COG6: variants seen among roughly 807,000 people sequenced by gnomAD.
The protein encoded by COG6 is conserved oligomeric Golgi complex subunit 6.
COG6 carries 74 observed loss-of-function variants against 88.8 expected under a neutral mutation model. That is an observed-to-expected ratio of 0.83 (90% CI 0.69 to 1.01). The LOEUF is 1.01. Among genes scored for constraint, COG6 ranks in the 50% least tolerant of loss-of-function variants. The pLI is 0.00. For synonymous variants in COG6, 286 were observed against 278.7 expected (o/e 1.03, Z -0.26); for missense variants, 800 against 797.9 (o/e 1.00, Z -0.03).
At chr13:39,766,008 G>A (rs1360773731) in intron 18 of COG6, among the ~76,000 whole-genome samples, 2 of 152,158 alleles carry the variant, frequency 1.3e-5, no homozygotes, top group Admixed American at 1.3e-4. Context: ...CTTACCAGAG[G>A]GTGGCACTCC....
In COG6 at chr13:39,721,540, C is replaced by A. The variant is rs60411664; in HGVS notation, c.1584+1713C>A. Among the ~76,000 whole-genome samples the A allele has an allele frequency of 6.5e-3, 985 of 152,146 alleles. 9 individuals carry two copies. Among genetic ancestry groups the A allele is most frequent in the African/African-American group, 0.022 (914 of 41,512 alleles). The stretch of plus-strand genomic sequence containing the variant: ...AGTGGGTATTCCAAGTGGACAAATC[C>A]CAGTGTGGAAGTGCTTATTGGCCTA... On this transcript the variant is annotated intron_variant, in intron 15 of 18. Transcript: ENST00000455146.
In COG6 at chr13:39,752,024, T is replaced by C. The variant is rs1242924504; in HGVS notation, c.*931T>C. On this transcript the variant is annotated 3_prime_UTR_variant, in exon 19 of 19. Transcript: ENST00000455146. ...CAGAGGAGGAGTTGCCAATTGGCAG[T>C]GTGTCTTATCTCCATGTTGTAACTG... 7.8e-7 allele frequency: 1 copy of C among 1,279,074 alleles called. No individual in the cohort carries two copies. The highest frequency in any genetic ancestry group is 1.5e-5 in the African/African-American group (1 of 65,620). 79.2% of individuals were successfully genotyped at this position (1,279,074 alleles called of 1,614,324 possible).
At chr13:39,733,050 G>A (rs1211179257) in intron 18 of COG6, among the ~76,000 whole-genome samples, 1 of 151,370 alleles carries the variant, frequency 6.6e-6, no homozygotes, top group African/African-American at 2.4e-5. Flanking sequence ...GTATAAAAAC[G>A]TCAACTTTAA....
At chr13:39,718,377 A>G (rs781722674) in intron 13 of COG6, among the ~76,000 whole-genome samples, 1 of 152,134 alleles carries the variant, frequency 6.6e-6, no homozygotes, top group East Asian at 1.9e-4. Context: ...TCTAAGTGCT[A>G]TTTTTAAAAA....
At chr13:39,763,909 G>A (rs540388422) in intron 18 of COG6, among the ~76,000 whole-genome samples, 48 of 151,910 alleles carry the variant, frequency 3.2e-4, no homozygotes, top group Middle Eastern at 6.8e-3. Context: ...TTTGATAACA[G>A]GATAATACTG....
At chr13:39,728,832 T>G (rs1249655732) in intron 18 of COG6, among the ~76,000 whole-genome samples, 1 of 151,962 alleles carries the variant, frequency 6.6e-6, no homozygotes, top group Admixed American at 6.6e-5. Context: ...ACCTGGCTAA[T>G]TTTTGTATTT....
intron 3 of COG6, among the ~76,000 whole-genome samples, chr13:39,664,570 AG>A (rs1401502568): frequency 7.2e-5 from 11 of 152,234 alleles, no homozygotes; most frequent in African/African-American, 2.2e-4. Flanking sequence ...AAAGTTGATT[AG>A]GAACAGCCTT....
chr13:39,725,059 T>C (rs1407448519), intron 17 of COG6, among the ~76,000 whole-genome samples: 1 of 151,862 alleles, frequency 6.6e-6, no homozygotes, highest in Non-Finnish European at 1.5e-5. Flanking sequence ...TTTTGCATGA[T>C]CACTACTTTT....
At chr13:39,722,371 C>A (rs1441204286) in intron 15 of COG6, among the ~76,000 whole-genome samples, 1 of 151,446 alleles carries the variant, frequency 6.6e-6, no homozygotes, top group Non-Finnish European at 1.5e-5. Flanking sequence ...GGAAAGAAAC[C>A]ATACTTGTTC....
rs567450945 is a variant in COG6, at chr13:39,771,268, G to A, written c.1827-17067G>A. ...CAACCATCTTTCTGGCTTGTTTCCCGCAGGTACTGAAAGGCATTTGCTGTG... is the reference window on the plus strand; with the variant it reads ...CAACCATCTTTCTGGCTTGTTTCCCACAGGTACTGAAAGGCATTTGCTGTG... On this transcript the variant is annotated intron_variant, in intron 18 of 18. Coordinates refer to the COG6 transcript ENST00000416691. Among the ~76,000 whole-genome samples the A allele has an allele frequency of 7.9e-5, 12 of 152,316 alleles. No individual in the cohort carries two copies. In the East Asian group the frequency reaches 1.4e-3, roughly 17 times the overall value.
intron 13 of COG6, among the ~76,000 whole-genome samples, chr13:39,713,003 C>T (rs1406430874): frequency 6.6e-6 from 1 of 152,210 alleles, no homozygotes; most frequent in African/African-American, 2.4e-5. Context: ...CAAAAGTTCA[C>T]ATTTTCTTCA....
chr13:39,716,204 T>C (rs190155571), intron 13 of COG6, among the ~76,000 whole-genome samples: 1 of 152,132 alleles, frequency 6.6e-6, no homozygotes, highest in East Asian at 1.9e-4. Context: ...AATTATTTTA[T>C]TTTCTTGATG....
At chr13:39,765,545 C>T (rs942243958) in intron 18 of COG6, among the ~76,000 whole-genome samples, 4 of 152,156 alleles carry the variant, frequency 2.6e-5, no homozygotes, top group Non-Finnish European at 4.4e-5. Flanking sequence ...TACTCAATCA[C>T]ATTAACAAGT....
chr13:39,761,364 C>A (rs899851294), intron 18 of COG6, among the ~76,000 whole-genome samples: 9 of 151,858 alleles, frequency 5.9e-5, no homozygotes, highest in Admixed American at 2.0e-4. Flanking sequence ...TATTCATATG[C>A]AGAAAGTGAA....
chr13:39,692,576 G>T lies in COG6; in HGVS notation c.1075-2058G>T, dbSNP rs374057046. On this transcript the variant is annotated intron_variant, in intron 11 of 18. Transcript: ENST00000455146. ...CTGTCTGTGATATTAAGGTAAAATA[G>T]GTTTGTCATCATCTTTTTTAGTCCT... is the stretch of plus-strand genomic sequence containing the variant. Among the ~76,000 whole-genome samples the T allele has an allele frequency of 7.3e-4, 111 of 152,098 alleles. 2 individuals carry two copies. The South Asian group carries it at 0.022, about 30-fold the overall frequency.
intron 18 of COG6, among the ~76,000 whole-genome samples, chr13:39,742,891 CACA>C (rs1271201823): frequency 6.6e-6 from 1 of 152,032 alleles, no homozygotes; most frequent in African/African-American, 2.4e-5. Context: ...GAACAGAAAT[CACA>C]ACAAACTGTC....
intron 1 of COG6, among the ~76,000 whole-genome samples, chr13:39,659,097 A>G (rs1429137937): frequency 1.3e-5 from 2 of 152,032 alleles, no homozygotes; most frequent in African/African-American, 4.8e-5. Context: ...TCCCTTTTAG[A>G]TGGACATTTA....
At chr13:39,767,169 CACTT>C (rs1334905376) in intron 18 of COG6, among the ~76,000 whole-genome samples, 14 of 152,192 alleles carry the variant, frequency 9.2e-5, no homozygotes, top group Admixed American at 3.3e-4. Context: ...TTCTTAGTGA[CACTT>C]ACTGACACCA....
Position 39,682,197 on chromosome 13 carries a change from T to A in COG6, c.721T>A (p.Ser241Thr). ...QSECRTLTQE[S>T]CDVSPVLTQA... ...TGAATGCAGAACATTGACACAAGAA[T>A]CATGTGACGTATCTCCAGTATTGAC... is the stretch of plus-strand genomic sequence containing the variant. Residue 241 changes from serine to threonine, a missense_variant, in exon 8 of 19, where the codon TCA becomes ACA. Coordinates refer to ENST00000455146, the MANE Select transcript of COG6 (RefSeq NM_020751.3). The A allele has an allele frequency of 6.2e-7, 1 of 1,612,122 alleles. No individual in the cohort carries two copies. The highest frequency in any genetic ancestry group is 8.5e-7 in the Non-Finnish European group (1 of 1,178,296).
Sources: allele counts gnomAD v4.1 joint callset (sites outside exome capture counted in the v4.1 genomes callset), GRCh38; gene constraint gnomAD v4.1.1; transcripts MANE v1.5; gene names NCBI Gene and HGNC (gene_info 2026-07-23, HGNC 2026-07-21).